ARHGAP15: variants seen among roughly 807,000 people sequenced by gnomAD.
ARHGAP15 encodes Rho GTPase activating protein 15, also known as rho GTPase-activating protein 15.
A neutral mutation model predicts 63.7 loss-of-function variants in ARHGAP15; 51 were observed. That is an observed-to-expected ratio of 0.80 (90% CI 0.64 to 1.01). The LOEUF (loss-of-function observed/expected upper bound fraction) is 1.01, where lower values mean the gene tolerates loss of function less well. Ranked by LOEUF, ARHGAP15 falls within the 50% of genes least tolerant of loss-of-function variation. The probability of loss-of-function intolerance (pLI) is 0.00; values close to 1 mark genes in which losing one functional copy is unlikely to be tolerated. For missense variants in ARHGAP15, 560 were observed against 564.6 expected, an observed-to-expected ratio of 0.99 and a Z score of 0.08; for synonymous variants, 191 against 193.8, an observed-to-expected ratio of 0.99 and a Z score of 0.12.
At chr2:143,212,656 A>G (rs980474394) in intron 3 of ARHGAP15, among the ~76,000 whole-genome samples, 3 of 152,192 alleles carry the variant, frequency 2.0e-5, no homozygotes, top group Non-Finnish European at 2.9e-5. Context: ...ACTGGAATTT[A>G]TAGATCATTG....
chr2:143,177,934 C>T (rs1035021990), intron 2 of ARHGAP15, among the ~76,000 whole-genome samples: 4 of 152,036 alleles, frequency 2.6e-5, no homozygotes, highest in African/African-American at 9.7e-5. Context: ...TTTACTGTAT[C>T]TACTTAATAT....
At chr2:143,219,500 T>C (rs1692900864) in intron 4 of ARHGAP15, among the ~76,000 whole-genome samples, 1 of 152,240 alleles carries the variant, frequency 6.6e-6, no homozygotes, top group African/African-American at 2.4e-5. Context: ...ACTCCTTTCA[T>C]TCCAAACAAC....
chr2:143,667,050 C>A (rs1559114327), intron 12 of ARHGAP15, among the ~76,000 whole-genome samples: 1 of 149,884 alleles, frequency 6.7e-6, no homozygotes, highest in Non-Finnish European at 1.5e-5. Context: ...TACCATTTGA[C>A]CCAGCCATCC....
chr2:143,656,664 T>G (rs757884620), intron 12 of ARHGAP15, among the ~76,000 whole-genome samples: 2 of 152,162 alleles, frequency 1.3e-5, no homozygotes, highest in Non-Finnish European at 2.9e-5. Context: ...ATTGAGAACA[T>G]TTTATTCCCT....
intron 6 of ARHGAP15, among the ~76,000 whole-genome samples, chr2:143,411,427 AAAAC>A (rs148887044): frequency 0.1 from 14,782 of 143,582 alleles, 917 homozygotes; most frequent in Non-Finnish European, 0.14. Flanking sequence ...CTTTTCTATC[AAAAC>A]AAACAAAGTT....
At chr2:143,583,248 G>GC (rs1340825640) in intron 11 of ARHGAP15, among the ~76,000 whole-genome samples, 1 of 152,130 alleles carries the variant, frequency 6.6e-6, no homozygotes, top group Non-Finnish European at 1.5e-5. Context: ...TACCAACACT[G>GC]AACAGTTTAT....
intron 6 of ARHGAP15, among the ~76,000 whole-genome samples, chr2:143,277,327 T>G (rs1345601570): frequency 6.6e-6 from 1 of 151,920 alleles, no homozygotes; most frequent in Non-Finnish European, 1.5e-5. Context: ...CTGGCAGACA[T>G]GACTTGTTTG....
At chr2:143,537,073 G>A (rs1694805647) in intron 10 of ARHGAP15, among the ~76,000 whole-genome samples, 6 of 152,128 alleles carry the variant, frequency 3.9e-5, no homozygotes, top group Admixed American at 3.3e-4. Context: ...ATTCTAACTG[G>A]TGTGAGATGG....
intron 6 of ARHGAP15, chr2:143,305,545 T>C (rs1056902241): frequency 6.6e-6 from 1 of 152,072 alleles, no homozygotes; most frequent in African/African-American, 2.4e-5. Context: ...TAATATAAGT[T>C]TTGTTTGAAC....
intron 13 of ARHGAP15, among the ~76,000 whole-genome samples, chr2:143,759,885 A>G (rs1242497089): frequency 1.3e-5 from 2 of 152,198 alleles, no homozygotes; most frequent in Non-Finnish European, 2.9e-5. Flanking sequence ...ATAAAAGAGA[A>G]TCTCTGGGAA....
chr2:143,710,149 ACT>A (rs1192583616), intron 13 of ARHGAP15, among the ~76,000 whole-genome samples: 2 of 125,292 alleles, frequency 1.6e-5, no homozygotes, highest in African/African-American at 5.1e-5. Flanking sequence ...ATTTTCTTTT[ACT>A]CTCTCTTTTC....
intron 11 of ARHGAP15, among the ~76,000 whole-genome samples, chr2:143,613,736 C>A (rs907967522): frequency 2.6e-5 from 4 of 152,178 alleles, no homozygotes; most frequent in African/African-American, 7.2e-5. Flanking sequence ...TAACTGACTT[C>A]TTTTAAAAGC....
chr2:143,596,205 G>A (rs1697511167), intron 11 of ARHGAP15, among the ~76,000 whole-genome samples: 1 of 152,094 alleles, frequency 6.6e-6, no homozygotes, highest in Non-Finnish European at 1.5e-5. Flanking sequence ...TTAACATGAA[G>A]TCCTTCTAGA....
intron 10 of ARHGAP15, among the ~76,000 whole-genome samples, 156 bp from the exon 11 acceptor site, chr2:143,556,252 G>C (rs985976638): frequency 3.2e-4 from 48 of 152,158 alleles, no homozygotes; most frequent in African/African-American, 1.1e-3. Flanking sequence ...TGATTACTTT[G>C]AGATTAAAAT....
At chr2:143,265,773 G>T (rs1342199518) in intron 6 of ARHGAP15, among the ~76,000 whole-genome samples, 1 of 151,852 alleles carries the variant, frequency 6.6e-6, no homozygotes. Context: ...AAACAAAAAG[G>T]TTTAACTTAT....
intron 12 of ARHGAP15, among the ~76,000 whole-genome samples, chr2:143,655,251 A>G (rs1681376185): frequency 6.6e-6 from 1 of 152,092 alleles, no homozygotes; most frequent in Admixed American, 6.5e-5. Context: ...GTAGTCTTCT[A>G]TCCCTCGACC....
intron 6 of ARHGAP15, among the ~76,000 whole-genome samples, chr2:143,392,389 A>T (rs1687571831): frequency 6.6e-6 from 1 of 152,216 alleles, no homozygotes; most frequent in South Asian, 2.1e-4. Flanking sequence ...AAAAATATGT[A>T]TTGAAATTAT....
intron 12 of ARHGAP15, among the ~76,000 whole-genome samples, chr2:143,695,482 C>A (rs1304275188): frequency 6.6e-6 from 1 of 152,114 alleles, no homozygotes; most frequent in Non-Finnish European, 1.5e-5. Context: ...CTGAGGAGTG[C>A]AAGTTTGGTT....
At chr2:143,323,940 C>T (rs1684142271) in intron 6 of ARHGAP15, among the ~76,000 whole-genome samples, 1 of 118,534 alleles carries the variant, frequency 8.4e-6, no homozygotes, top group South Asian at 2.7e-4. Flanking sequence ...AATAGGCAGA[C>T]AACGGGCCAT....
Sources: allele counts gnomAD v4.1 joint callset (sites outside exome capture counted in the v4.1 genomes callset), GRCh38; gene constraint gnomAD v4.1.1; transcripts MANE v1.5; gene names NCBI Gene and HGNC (gene_info 2026-07-23, HGNC 2026-07-21).